Variants in NFASC observed in about 807,000 individuals in gnomAD.
NFASC encodes the protein neurofascin, also known as neurofascin homolog.
Under a neutral mutation model 147.5 loss-of-function variants are expected in NFASC, and 43 were observed. The observed-to-expected ratio is 0.29, with a 90% CI of 0.23 to 0.38. NFASC has a LOEUF of 0.38. Ranked by LOEUF, NFASC falls within the 10% of genes least tolerant of loss-of-function variation. The pLI is 1.00. For missense variants in NFASC, 1,320 were observed against 1,689.0 expected (o/e 0.78, Z 3.83); for synonymous variants, 622 against 665.5 (o/e 0.93, Z 1.01).
At chr1:204,846,986 A>T (rs1208832899) in intron 1 of NFASC, among the ~76,000 whole-genome samples, 1 of 136,872 alleles carries the variant, frequency 7.3e-6, no homozygotes. Flanking sequence ...TGTGGTGTGT[A>T]GGAGAAGAGG....
At chr1:204,977,135 T>C in intron 16 of NFASC, 6 of 1,146,008 alleles carry the variant, frequency 5.2e-6, no homozygotes, top group Non-Finnish European at 6.4e-6. Flanking sequence ...AAACAATCCA[T>C]CCTTAAAGCA....
At chr1:205,012,762 T>G (rs1250465525) in intron 28 of NFASC, 35 bp from the exon 29 acceptor site, 1 of 1,515,674 alleles carries the variant, frequency 6.6e-7, no homozygotes. Flanking sequence ...TACTTAATCG[T>G]CGTGTCTGTG....
At chr1:204,964,656 A>G (rs2094851648) in intron 8 of NFASC, among the ~76,000 whole-genome samples, 2 of 152,210 alleles carry the variant, frequency 1.3e-5, no homozygotes, top group Non-Finnish European at 2.9e-5. Context: ...TTGGTCAGCC[A>G]TTCCTAGAGC....
intron 11 of NFASC, 101 bp downstream of exon 11, chr1:204,970,848 G>A: frequency 6.8e-7 from 1 of 1,476,674 alleles, no homozygotes; most frequent in Non-Finnish European, 9.3e-7. Context: ...TAGAAGTTCA[G>A]GAAGAGAGAA....
intron 1 of NFASC, among the ~76,000 whole-genome samples, chr1:204,897,934 C>T (rs1330477509): frequency 6.6e-6 from 1 of 152,102 alleles, no homozygotes; most frequent in East Asian, 1.9e-4. Context: ...GACAGGGTTT[C>T]ACCATGTTGG....
intron 2 of NFASC, among the ~76,000 whole-genome samples, chr1:204,937,674 G>A (rs1452746708): frequency 2.0e-5 from 3 of 152,082 alleles, no homozygotes; most frequent in Non-Finnish European, 4.4e-5. Flanking sequence ...ATGTACCTCC[G>A]TTTCTCCATC....
chr1:205,002,567 C>G (rs776590505), intron 26 of NFASC, 29 bp from the exon 27 acceptor site: 11 of 1,447,376 alleles, frequency 7.6e-6, no homozygotes, highest in Non-Finnish European at 9.3e-6. Context: ...GTGCCTGGCT[C>G]TAGGCTGATT....
chr1:204,985,890 A>G, intron 21 of NFASC: 1 of 1,587,642 alleles, frequency 6.3e-7, no homozygotes, highest in Middle Eastern at 2.0e-4. Flanking sequence ...ACCCCTCACC[A>G]GCCTGCCTCT....
Position 205,015,936 on chromosome 1 carries a change from T to A in NFASC, c.3492-372T>A, listed in dbSNP as rs1482063720. ...GTCACAAAACCACACAGTGACACAC[T>A]CGGGACTAGAACCATTCCATGTGGT... On this transcript the variant is annotated intron_variant, in intron 29 of 29. Transcript: ENST00000339876. This position sits in a 1 kb window ranked among gnomAD's most constrained non-coding sequence, Gnocchi z 4.0. 6.6e-6 allele frequency among the ~76,000 whole-genome samples: 1 copy of A among 152,018 alleles called. No homozygotes were observed. The highest frequency in any genetic ancestry group is 1.5e-5 in the Non-Finnish European group (1 of 68,028).
At chr1:204,871,038 G>A (rs1473277783) in intron 1 of NFASC, 1 of 1,289,820 alleles carries the variant, frequency 7.8e-7, no homozygotes, top group South Asian at 1.2e-5. Context: ...GAAGACGCTG[G>A]ATGAACCAGA....
rs758296039 is a variant in NFASC, at chr1:204,974,276, C to T, written c.1377C>T (p.Ile459=). 23 of 1,613,176 alleles carry T rather than the reference C, an allele frequency of 1.4e-5. 1 individual carries two copies. The South Asian group carries it at 2.1e-4, about 15-fold the overall frequency. The change falls in exon 13 of 30, where the codon ATC becomes ATT. Residue 459 remains isoleucine, a synonymous_variant. Coordinates refer to ENST00000339876, the MANE Select transcript of NFASC (RefSeq NM_001005388.3). ...ACTGCCCTTTCTTTGGGTCTCCCAT[C>T]CCCACACTGCGATGGTAAGTTCCAG... ...RLDCPFFGSP[I]PTLRWFKNGQ...
chr1:204,846,765 C>G (rs1677149184), intron 1 of NFASC, among the ~76,000 whole-genome samples: 1 of 152,154 alleles, frequency 6.6e-6, no homozygotes, highest in Non-Finnish European at 1.5e-5. Flanking sequence ...AGCCCATTGT[C>G]TTCTTGCATC....
chr1:204,957,988 C>T (rs1055680377), intron 8 of NFASC, among the ~76,000 whole-genome samples, 162 bp downstream of exon 8: 8 of 152,172 alleles, frequency 5.3e-5, no homozygotes, highest in South Asian at 2.1e-4. Flanking sequence ...TGCTCTTAAA[C>T]GATCTCTCTT....
intron 2 of NFASC, among the ~76,000 whole-genome samples, chr1:204,936,712 A>G (rs2092877717): frequency 6.6e-6 from 1 of 152,168 alleles, no homozygotes; most frequent in Admixed American, 6.5e-5. Flanking sequence ...GCCCATTGAC[A>G]TTCTGCCCTC....
Position 204,971,855 on chromosome 1 carries a change from G to T in NFASC, c.1135+1108G>T, listed in dbSNP as rs553077719. Reference sequence around the variant, plus strand: ...TCTACAGTTCTCTCCGTCTTAATAGGACTTTGGGGGTAAGCTAGGCAATTG... The same window carrying T: ...TCTACAGTTCTCTCCGTCTTAATAGTACTTTGGGGGTAAGCTAGGCAATTG... On this transcript the variant is annotated intron_variant, in intron 11 of 29. Coordinates refer to ENST00000339876, the MANE Select transcript of NFASC (RefSeq NM_001005388.3). 1.7e-4 allele frequency among the ~76,000 whole-genome samples: 26 copies of T among 152,288 alleles called. No individual in the cohort carries two copies. The South Asian group carries it at 5.2e-3, about 30-fold the overall frequency.
chr1:204,878,968 T>A (rs2079574169), intron 1 of NFASC, among the ~76,000 whole-genome samples: 1 of 152,186 alleles, frequency 6.6e-6, no homozygotes, highest in African/African-American at 2.4e-5. Context: ...GAAGAGCAAT[T>A]TCTTCCTACA....
intron 24 of NFASC, among the ~76,000 whole-genome samples, chr1:204,995,613 A>C (rs2095831354): frequency 6.6e-6 from 1 of 152,080 alleles, no homozygotes; most frequent in Non-Finnish European, 1.5e-5. Flanking sequence ...TCAGCTGCCC[A>C]GTGTGACTTC....
chr1:204,857,916 C>CT (rs777663775), intron 1 of NFASC, among the ~76,000 whole-genome samples: 1 of 133,678 alleles, frequency 7.5e-6, no homozygotes, highest in African/African-American at 3.0e-5. Context: ...CCTTCTTCTT[C>CT]TTCTTTTTTT....
At chr1:204,855,537 C>T (rs2076080264) in intron 1 of NFASC, among the ~76,000 whole-genome samples, 1 of 152,090 alleles carries the variant, frequency 6.6e-6, no homozygotes, top group Admixed American at 6.6e-5. Context: ...GTAAAGAGAC[C>T]TCTGAGCACA....
Sources: gnomAD v4.1 joint callset for allele counts (sites outside exome capture counted in the v4.1 genomes callset) on GRCh38, gnomAD v4.1.1 for gene constraint, Gnocchi (gnomAD v3.1) non-coding constraint, MANE v1.5 for transcripts, NCBI Gene and HGNC (gene_info 2026-07-23, HGNC 2026-07-21) for gene names.